The following SEC24D variants were observed in gnomAD, a reference collection of about 807,000 sequenced individuals.
The protein encoded by SEC24D is protein transport protein Sec24D.
Under a neutral mutation model 116.9 loss-of-function variants are expected in SEC24D, and 69 were observed. The observed-to-expected ratio is 0.59, with a 90% CI of 0.49 to 0.72. The LOEUF is 0.72. Among genes scored for constraint, SEC24D ranks in the 30% least tolerant of loss-of-function variants. The pLI, the probability that SEC24D is intolerant of heterozygous loss-of-function variation, is 0.00. For missense variants in SEC24D, 1,131 were observed against 1,264.1 expected, an observed-to-expected ratio of 0.89 and a Z score of 1.60; for synonymous variants, 405 against 442.8, an observed-to-expected ratio of 0.91 and a Z score of 1.07.
Position 118,807,908 on chromosome 4 carries a change from G to C in SEC24D, c.802-1954C>G, listed in dbSNP as rs553336480. 2.0e-5 allele frequency among the ~76,000 whole-genome samples: 3 copies of C among 152,344 alleles called. No homozygotes were observed. In the East Asian group the frequency reaches 5.8e-4, roughly 29 times the overall value. On this transcript the variant is annotated intron_variant, in intron 6 of 22. Coordinates refer to ENST00000280551, the MANE Select transcript of SEC24D (RefSeq NM_014822.4). ...CAAAAAGCAGAGAAATCGAAACACT[G>C]TAATTATATTCTGTATTTTGACCAC...
intron 8 of SEC24D, among the ~76,000 whole-genome samples, chr4:118,790,269 C>A (rs995935832): frequency 1.3e-5 from 2 of 152,184 alleles, no homozygotes; most frequent in African/African-American, 4.8e-5. Flanking sequence ...AATCTAGTCA[C>A]AGATGGAGTA....
At chr4:118,798,154 C>G (rs1729263160) in intron 7 of SEC24D, among the ~76,000 whole-genome samples, 1 of 152,150 alleles carries the variant, frequency 6.6e-6, no homozygotes, top group Non-Finnish European at 1.5e-5. Flanking sequence ...AACAAAGAGA[C>G]ACACAAATAT....
At chr4:118,788,485 A>T (rs1254676712) in intron 8 of SEC24D, among the ~76,000 whole-genome samples, 1 of 152,230 alleles carries the variant, frequency 6.6e-6, no homozygotes, top group Non-Finnish European at 1.5e-5. Flanking sequence ...TTCCTAAAAT[A>T]TCTTGGTCCA....
chr4:118,768,810 A>G (rs1727765310), intron 8 of SEC24D, among the ~76,000 whole-genome samples: 2 of 152,232 alleles, frequency 1.3e-5, no homozygotes, highest in South Asian at 4.1e-4. Flanking sequence ...TACCCAAACA[A>G]AAGTTAATTT....
chr4:118,748,173 G>A (rs1172561532), intron 13 of SEC24D, among the ~76,000 whole-genome samples: 1 of 152,072 alleles, frequency 6.6e-6, no homozygotes, highest in African/African-American at 2.4e-5. Flanking sequence ...GGGTGAGGCA[G>A]GAGCATCACT....
In SEC24D at chr4:118,732,804, G is replaced by A; in HGVS notation, c.2605C>T (p.Gln869Ter). Residue 869 changes from glutamine to a stop codon, truncating the protein, a stop_gained, in exon 20 of 23, where the codon CAG (glutamine) becomes TAG (stop). Coordinates refer to ENST00000280551, the MANE Select transcript of SEC24D (RefSeq NM_014822.4). LOFTEE classifies it high-confidence loss of function. ...PEISTDERAYQRQLVMTMGVA... is the reference protein window; with the variant it reads ...PEISTDERAY The stretch of plus-strand genomic sequence containing the variant: ...CCCATGGTCATGACCAGCTGTCTCT[G>A]GTATGCTCGTTCATCAGTTGAGATC... The A allele has an allele frequency of 6.2e-7, 1 of 1,614,104 alleles. No individual in the cohort carries two copies. Among genetic ancestry groups the A allele is most frequent in the Non-Finnish European group, 8.5e-7 (1 of 1,179,978 alleles).
chr4:118,751,176 C>CGTTTTTTTTT (rs1726807688), intron 13 of SEC24D, among the ~76,000 whole-genome samples: 1 of 100,326 alleles, frequency 1.0e-5, no homozygotes, highest in Non-Finnish European at 2.0e-5. Flanking sequence ...AGAGTGAGGG[C>CGTTTTTTTTT]TTTTTTTTTT....
intron 13 of SEC24D, among the ~76,000 whole-genome samples, chr4:118,748,232 C>T (rs950751326): frequency 6.6e-6 from 1 of 151,992 alleles, no homozygotes; most frequent in African/African-American, 2.4e-5. Flanking sequence ...TGCCACTGCA[C>T]TCCACCCTGG....
At chr4:118,730,433 T>C (rs1725624681) in intron 21 of SEC24D, 1 of 152,230 alleles carries the variant, frequency 6.6e-6, no homozygotes, top group African/African-American at 2.4e-5. Flanking sequence ...TGAATTTTAA[T>C]CTTGCCTCTT....
intron 22 of SEC24D, among the ~76,000 whole-genome samples, chr4:118,726,055 A>G (rs970801690): frequency 6.6e-6 from 1 of 152,224 alleles, no homozygotes; most frequent in African/African-American, 2.4e-5. Context: ...TGCCTTCTCC[A>G]AGGGAAGACT....
rs1443164660 is a variant in SEC24D, at chr4:118,768,251, C to T, written c.1102G>A (p.Ala368Thr). 6.2e-7 allele frequency: 1 copy of T among 1,613,672 alleles called. No individual in the cohort carries two copies. The highest frequency in any genetic ancestry group is 8.5e-7 in the Non-Finnish European group (1 of 1,179,770). ...AACTGCATAAATGGGCACATGTAGGCCTTGCACCTGTTGCATCTGACTGGT... is the reference window on the plus strand; with the variant it reads ...AACTGCATAAATGGGCACATGTAGGTCTTGCACCTGTTGCATCTGACTGGT... ...SGPVRCNRCK[A>T]YMCPFMQFIE... The change falls in exon 9 of 23, where the codon GCC (alanine) becomes ACC (threonine). Residue 368 changes from alanine to threonine, a missense_variant. Ala to Thr is a moderately conservative substitution (Grantham distance 58, BLOSUM62 0). Transcript: ENST00000280551.
chr4:118,759,029 T>G (rs553257671), intron 10 of SEC24D, among the ~76,000 whole-genome samples: 2 of 152,338 alleles, frequency 1.3e-5, no homozygotes, highest in East Asian at 3.9e-4. Flanking sequence ...AATCAAAACC[T>G]CTTTGTGACA....
rs1195256436 is a variant in SEC24D at position 118,744,071 on chromosome 4, G to C, written c.1912C>G (p.Pro638Ala). The change falls in exon 15 of 23, where the codon CCT becomes GCT. Residue 638 changes from proline to alanine, a missense_variant. By Grantham distance (27) the Pro-to-Ala change is conservative. Transcript: ENST00000280551. ...GAGGCCACGTCCACATACTGACTAGGAAAGAGGAAGAGTGTCACAGAGCAG... is the reference window on the plus strand; with the variant it reads ...GAGGCCACGTCCACATACTGACTAGCAAAGAGGAAGAGTGTCACAGAGCAG... Reference protein sequence around the residue: ...HGCSVTLFLFPSQYVDVASLG... With the variant: ...HGCSVTLFLFASQYVDVASLG... The C allele has an allele frequency of 1.1e-5, 18 of 1,613,580 alleles. No individual in the cohort carries two copies. The highest frequency in any genetic ancestry group is 1.5e-5 in the Non-Finnish European group (18 of 1,179,704).
chr4:118,813,280 C>A (rs1729994744), intron 6 of SEC24D, among the ~76,000 whole-genome samples: 1 of 152,214 alleles, frequency 6.6e-6, no homozygotes, highest in South Asian at 2.1e-4. Context: ...GCTGAAAGAG[C>A]CTAGGAACAG....
Position 118,723,501 on chromosome 4 carries a change from CAG to C in SEC24D, c.*12_*13del. ...CTCCTTGGAAATGCAACATCAATGACAGAGAAGTTTCAATTAATTAAGCAGCT... is the reference window on the plus strand; with the variant it reads ...CTCCTTGGAAATGCAACATCAATGACAGAAGTTTCAATTAATTAAGCAGCT... On this transcript the variant is annotated 3_prime_UTR_variant, in exon 23 of 23. Coordinates refer to ENST00000280551, the MANE Select transcript of SEC24D (RefSeq NM_014822.4). The C allele has an allele frequency of 1.2e-6, 2 of 1,604,430 alleles. No homozygotes were observed. Among genetic ancestry groups the C allele is most frequent in the East Asian group, 2.2e-5 (1 of 44,756 alleles).
chr4:118,830,306 T>C (rs1051383139), intron 2 of SEC24D, among the ~76,000 whole-genome samples: 2 of 152,250 alleles, frequency 1.3e-5, no homozygotes, highest in Non-Finnish European at 1.5e-5. Context: ...CTAACGCCTA[T>C]AATCTCAGCA....
At chr4:118,811,139 G>A (rs56291421) in intron 6 of SEC24D, among the ~76,000 whole-genome samples, 6,648 of 152,278 alleles carry the variant, frequency 0.044, 200 homozygotes, top group Non-Finnish European at 0.064. Flanking sequence ...GAGAGAGTGG[G>A]AGGAGATTAA....
chr4:118,793,242 C>T (rs1023769832), intron 8 of SEC24D, among the ~76,000 whole-genome samples: 5 of 151,710 alleles, frequency 3.3e-5, no homozygotes, highest in East Asian at 1.9e-4. Context: ...CCGAGGCGGG[C>T]GGATCACGAG....
Position 118,722,959 on chromosome 4 carries a change from T to TAACA in SEC24D, c.*552_*555dup, listed in dbSNP as rs956025156. 11 of 152,606 alleles carry TAACA rather than the reference T, an allele frequency of 7.2e-5. No individual in the cohort carries two copies. Among genetic ancestry groups the TAACA allele is most frequent in the Admixed American group, 2.6e-4 (4 of 15,280 alleles). The allele number at this position is 152,606 out of a possible 1,614,324, so 9.5% of individuals were successfully genotyped here. A position where few individuals can be genotyped will look rare whatever the true frequency, so the allele number is the denominator to read the frequency against. ...AGACAAAACAACTGGAAAATAGTTT[T>TAACA]AACATACACAATATATAATTATGAA... On this transcript the variant is annotated 3_prime_UTR_variant, in exon 23 of 23. Coordinates refer to ENST00000280551, the MANE Select transcript of SEC24D (RefSeq NM_014822.4).
Sources: allele counts gnomAD v4.1 joint callset (sites outside exome capture counted in the v4.1 genomes callset), GRCh38; gene constraint gnomAD v4.1.1; transcripts MANE v1.5; gene names NCBI Gene and HGNC (gene_info 2026-07-23, HGNC 2026-07-21).